MDGA2: variants seen among roughly 807,000 people sequenced by gnomAD.
MDGA2 encodes the protein MAM domain-containing glycosylphosphatidylinositol anchor protein 2.
A neutral mutation model predicts 117.8 loss-of-function variants in MDGA2; 40 were observed. The ratio of observed to expected loss-of-function variants is 0.34; its 90% CI spans 0.26 to 0.44. The LOEUF is 0.44. MDGA2 is among the 20% of genes least tolerant of loss of function. The pLI, the probability that MDGA2 is intolerant of heterozygous loss-of-function variation, is 1.00. For synonymous variants in MDGA2, 452 were observed against 439.0 expected, an observed-to-expected ratio of 1.03 and a Z score of -0.37; for missense variants, 1,123 against 1,250.6, an observed-to-expected ratio of 0.90 and a Z score of 1.54.
chr14:47,333,685 A>G (rs17118353), intron 1 of MDGA2, among the ~76,000 whole-genome samples: 13,662 of 151,722 alleles, frequency 0.09, 758 homozygotes, highest in Non-Finnish European at 0.11. Context: ...ATTTCTCCCA[A>G]TTTCCACTCT....
chr14:47,566,850 G>A (rs991533069), intron 1 of MDGA2, among the ~76,000 whole-genome samples: 5 of 151,536 alleles, frequency 3.3e-5, no homozygotes, highest in Non-Finnish European at 7.4e-5. Flanking sequence ...TCTTCCTGGT[G>A]TCCCAGTTCC....
At chr14:47,279,034 C>T (rs1888391892) in intron 2 of MDGA2, among the ~76,000 whole-genome samples, 1 of 152,076 alleles carries the variant, frequency 6.6e-6, no homozygotes, top group African/African-American at 2.4e-5. Context: ...AATTAGGTTG[C>T]TAGTATATAA....
chr14:46,954,427 A>G (rs1885485607), intron 9 of MDGA2, among the ~76,000 whole-genome samples: 1 of 152,092 alleles, frequency 6.6e-6, no homozygotes, highest in African/African-American at 2.4e-5. Flanking sequence ...ACAAACAAAC[A>G]AAAACTATCT....
chr14:47,563,001 T>C (rs535159378), intron 1 of MDGA2, among the ~76,000 whole-genome samples: 1 of 152,326 alleles, frequency 6.6e-6, no homozygotes, highest in Admixed American at 6.5e-5. Flanking sequence ...TCAAAAGTCA[T>C]TCAGGAGCAG....
chr14:47,041,836 G>A (rs939022313), intron 7 of MDGA2, among the ~76,000 whole-genome samples: 2 of 152,052 alleles, frequency 1.3e-5, no homozygotes, highest in African/African-American at 4.8e-5. Flanking sequence ...TTTGAACTAT[G>A]TGGAAAAATA....
chr14:47,085,972 TTTAAA>T (rs1453337593), intron 6 of MDGA2, among the ~76,000 whole-genome samples: 8 of 152,108 alleles, frequency 5.3e-5, no homozygotes, highest in Non-Finnish European at 8.8e-5. Flanking sequence ...TCTCAATGCT[TTTAAA>T]TTAATTACCT....
intron 7 of MDGA2, among the ~76,000 whole-genome samples, chr14:47,050,735 C>A (rs142115491): frequency 6.6e-6 from 1 of 151,934 alleles, no homozygotes; most frequent in Non-Finnish European, 1.5e-5. Context: ...TTGATCTGAA[C>A]TAAAGAAATT....
chr14:47,424,611 T>C (rs1445022815), intron 1 of MDGA2, among the ~76,000 whole-genome samples: 2 of 152,130 alleles, frequency 1.3e-5, no homozygotes, highest in Admixed American at 6.6e-5. Flanking sequence ...TACTTGTGAT[T>C]CTGATTATTA....
chr14:47,294,289 G>T (rs1436060847), intron 2 of MDGA2, among the ~76,000 whole-genome samples: 1 of 151,766 alleles, frequency 6.6e-6, no homozygotes, highest in Non-Finnish European at 1.5e-5. Flanking sequence ...TAAAAACAAG[G>T]TTTCGTCATG....
chr14:47,145,209 T>C (rs1020241625), intron 3 of MDGA2, among the ~76,000 whole-genome samples: 39 of 152,146 alleles, frequency 2.6e-4, no homozygotes, highest in African/African-American at 7.0e-4. Context: ...AAAGAAAGAC[T>C]GTACAGTAGA....
At chr14:47,324,105 C>T (rs1005521249) in intron 1 of MDGA2, among the ~76,000 whole-genome samples, 1 of 151,912 alleles carries the variant, frequency 6.6e-6, no homozygotes, top group Admixed American at 6.6e-5. Context: ...ATTAGCCAGG[C>T]GTGGTGGCAG....
intron 7 of MDGA2, among the ~76,000 whole-genome samples, chr14:47,060,457 A>G (rs1480016184): frequency 6.6e-6 from 1 of 152,070 alleles, no homozygotes; most frequent in Non-Finnish European, 1.5e-5. Flanking sequence ...TGATGTAAGA[A>G]TCTTCCATTA....
rs534042608 is a variant in MDGA2, at chr14:47,664,957, T to C, written c.280+9560A>G. Among the ~76,000 whole-genome samples, 3 of 152,342 alleles carry C rather than the reference T, an allele frequency of 2.0e-5. 1 individual carries two copies. Among genetic ancestry groups the C allele is most frequent in the African/African-American group, 4.8e-5 (2 of 41,586 alleles). On this transcript the variant is annotated intron_variant, in intron 1 of 16. Transcript: ENST00000399232. ...ACACTTCAGAATCTTGATGGACATA[T>C]ATATCTGAGCAAGTTCCAGAGTATC... is the stretch of plus-strand genomic sequence containing the variant.
chr14:47,298,817 T>C (rs1333543535), intron 2 of MDGA2, among the ~76,000 whole-genome samples: 1 of 151,698 alleles, frequency 6.6e-6, no homozygotes, highest in Non-Finnish European at 1.5e-5. Context: ...CCTGAGTAGC[T>C]GGGACTACAG....
chr14:46,926,616 A>G lies in MDGA2; in HGVS notation c.2090-6456T>C, dbSNP rs971489025. On this transcript the variant is annotated intron_variant, in intron 9 of 16. Coordinates refer to ENST00000399232, the MANE Select transcript of MDGA2 (RefSeq NM_001113498.3). ...GCTCTCTGTCATTCCTCCATAGGGC[A>G]AAACAGAACATGCAATTATTGGAAC... Among the ~76,000 whole-genome samples the G allele has an allele frequency of 1.7e-4, 26 of 152,180 alleles. 1 individual carries two copies. The highest frequency in any genetic ancestry group is 1.5e-5 in the Non-Finnish European group (1 of 68,036).
At chr14:47,280,262 C>T (rs1427400124) in intron 2 of MDGA2, among the ~76,000 whole-genome samples, 1 of 127,396 alleles carries the variant, frequency 7.8e-6, no homozygotes, top group Non-Finnish European at 1.6e-5. Context: ...TGCGGTGCGC[C>T]GAGATCGCAC....
intron 2 of MDGA2, among the ~76,000 whole-genome samples, chr14:47,221,834 AAT>A (rs534500186): frequency 1.3e-5 from 2 of 151,968 alleles, no homozygotes; most frequent in African/African-American, 2.4e-5. Context: ...TTAATTGGCA[AAT>A]ATATATATGT....
intron 1 of MDGA2, among the ~76,000 whole-genome samples, chr14:47,308,184 G>C (rs1290798555): frequency 6.6e-6 from 1 of 152,166 alleles, no homozygotes; most frequent in Non-Finnish European, 1.5e-5. Flanking sequence ...TGTGTGGTTT[G>C]ACTGAGGAAA....
intron 1 of MDGA2, among the ~76,000 whole-genome samples, chr14:47,489,455 C>T (rs1894124803): frequency 6.6e-6 from 1 of 152,022 alleles, no homozygotes; most frequent in African/African-American, 2.4e-5. Context: ...ATATTTCCTA[C>T]ATGCTACCTT....
Sources: allele counts gnomAD v4.1 joint callset (sites outside exome capture counted in the v4.1 genomes callset), GRCh38; gene constraint gnomAD v4.1.1; transcripts MANE v1.5; gene names NCBI Gene and HGNC (gene_info 2026-07-23, HGNC 2026-07-21).